ADGRE2: variants seen among roughly 807,000 people sequenced by gnomAD.
ADGRE2 encodes adhesion G protein-coupled receptor E2.
A neutral mutation model predicts 100.8 loss-of-function variants in ADGRE2; 83 were observed. The ratio of observed to expected loss-of-function variants is 0.82; its 90% confidence interval spans 0.69 to 0.99. The LOEUF (loss-of-function observed/expected upper bound fraction) is 0.99. Among genes scored for constraint, ADGRE2 ranks in the 50% least tolerant of loss-of-function variants. ADGRE2 has a pLI of 0.00. For synonymous variants in ADGRE2, 355 were observed against 413.0 expected (o/e 0.86, Z 1.70); for missense variants, 814 against 1,035.7 (o/e 0.79, Z 2.94).
At chr19:14,760,100 G>A (rs1179916770) in intron 11 of ADGRE2, among the ~76,000 whole-genome samples, 1 of 152,182 alleles carries the variant, frequency 6.6e-6, no homozygotes, top group African/African-American at 2.4e-5. Context: ...TTACAGGCGT[G>A]AGCCACCGTG....
chr19:14,774,880 G>T (rs189758545), intron 2 of ADGRE2, among the ~76,000 whole-genome samples: 1,692 of 150,716 alleles, frequency 0.011, 25 homozygotes, highest in African/African-American at 0.039. Context: ...CACCATATTG[G>T]CCAGGCTGGT....
At chr19:14,727,952 G>T (rs1249086159), downstream of ADGRE2, among the ~76,000 whole-genome samples, 3 of 152,196 alleles carry the variant, frequency 2.0e-5, no homozygotes, top group Non-Finnish European at 4.4e-5. Context: ...GCCAGGTGCG[G>T]TGGCTCACGC....
rs947260741 is a variant in ADGRE2, at chr19:14,733,546, T to C, written c.*2690A>G. 2 of 151,142 alleles carry C rather than the reference T, an allele frequency of 1.3e-5. No homozygotes were observed. Among genetic ancestry groups the C allele is most frequent in the African/African-American group, 2.4e-5 (1 of 41,042 alleles). 9.4% of individuals were successfully genotyped at this position (151,142 alleles called of 1,614,324 possible). ...GGGTATGCCTACAGCTGCAGAAAAA[T>C]GTATAAAAGCAAACACACCACTCTC... On this transcript the variant is annotated 3_prime_UTR_variant, in exon 21 of 21. Transcript: ENST00000315576.
chr19:14,770,669 C>CTTTTTTTTTTTTTTTTTTTT (rs775214778), intron 5 of ADGRE2, among the ~76,000 whole-genome samples: 4 of 85,008 alleles, frequency 4.7e-5, no homozygotes, highest in Non-Finnish European at 6.9e-5. Flanking sequence ...TCTTTCTTTT[C>CTTTTTTTTTTTTTTTTTTTT]TTTTTTTTTT....
chr19:14,757,599 T>C (rs999583947), intron 11 of ADGRE2, among the ~76,000 whole-genome samples: 6 of 152,014 alleles, frequency 3.9e-5, no homozygotes, highest in East Asian at 1.9e-4. Flanking sequence ...GACTATACAA[T>C]GGGGGAAAGA....
rs373607670 is a variant in ADGRE2 at position 14,742,641 on chromosome 19, A to C, written c.2463+779T>G. Among the ~76,000 whole-genome samples the C allele has an allele frequency of 1.0e-3, 156 of 152,336 alleles. 1 individual carries two copies. The highest frequency in any genetic ancestry group is 3.7e-3 in the African/African-American group (155 of 41,572). The stretch of plus-strand genomic sequence containing the variant: ...GTTGGTAGAGGCAGACTTGTTAAGA[A>C]AGCCTAAATCCCAGTTAACACTTAT... On this transcript the variant is annotated intron_variant, in intron 20 of 20. Coordinates refer to ENST00000315576, the MANE Select transcript of ADGRE2 (RefSeq NM_013447.4).
chr19:14,741,880 G>C lies in ADGRE2; in HGVS notation c.2463+1540C>G, dbSNP rs1231521748. 6 of 396,484 alleles carry C rather than the reference G, an allele frequency of 1.5e-5. No individual in the cohort carries two copies. The East Asian group carries it at 1.8e-4, about 12-fold the overall frequency. The allele number at this position is 396,484 out of a possible 1,614,324, so 24.6% of individuals were successfully genotyped here. A position where few individuals can be genotyped will look rare whatever the true frequency, so the allele number is the denominator to read the frequency against. On this transcript the variant is annotated intron_variant, in intron 20 of 20. Coordinates refer to ENST00000315576, the MANE Select transcript of ADGRE2 (RefSeq NM_013447.4). ...CACATATAATCTGGAGAAGATGGAA[G>C]AAGAGGTGAGAAAAATACAACAGAA...
chr19:14,731,244 C>T (rs1351259466), downstream of ADGRE2: 2 of 1,477,396 alleles, frequency 1.4e-6, no homozygotes, highest in African/African-American at 1.4e-5. Flanking sequence ...TAGAATCCAA[C>T]CTCTGGATAT....
rs569275930 is a variant in ADGRE2 at position 14,737,440 on chromosome 19, C to T, written c.2464-1196G>A. Among the ~76,000 whole-genome samples, 4 of 152,204 alleles carry T rather than the reference C, an allele frequency of 2.6e-5. No individual in the cohort carries two copies. The South Asian group carries it at 8.3e-4, about 32-fold the overall frequency. On this transcript the variant is annotated intron_variant, in intron 20 of 20. Coordinates refer to ENST00000315576, the MANE Select transcript of ADGRE2 (RefSeq NM_013447.4). ...AACTTCTGGGCTCAAGTGATCCTCC[C>T]ATCTCAACCTCCCAAAAATGCTGGA...
rs369600503 is a variant in ADGRE2 at position 14,748,103 on chromosome 19, G to A, written c.2025-1141C>T. On this transcript the variant is annotated intron_variant, in intron 16 of 20. Coordinates refer to ENST00000315576, the MANE Select transcript of ADGRE2 (RefSeq NM_013447.4). Reference sequence around the variant, plus strand: ...TGGTCATCAGCACAGTACTCTATAGGTCGTTTATTTATCCTCGCCCTCCTC... The same window carrying A: ...TGGTCATCAGCACAGTACTCTATAGATCGTTTATTTATCCTCGCCCTCCTC... Among the ~76,000 whole-genome samples, 198 of 152,106 alleles carry A rather than the reference G, an allele frequency of 1.3e-3. 1 individual carries two copies. The highest frequency in any genetic ancestry group is 2.3e-3 in the Non-Finnish European group (154 of 68,002).
downstream of ADGRE2, chr19:14,731,095 C>A (rs892543484): frequency 3.9e-6 from 5 of 1,282,342 alleles, no homozygotes; most frequent in East Asian, 1.0e-4. Context: ...CCTGCCCCCT[C>A]CCCCCAAGGA....
intron 18 of ADGRE2, among the ~76,000 whole-genome samples, chr19:14,745,945 G>A (rs2043072436): frequency 6.6e-6 from 1 of 152,112 alleles, no homozygotes; most frequent in African/African-American, 2.4e-5. Context: ...TTTTGTGATC[G>A]AATCGTATCC....
At chr19:14,773,315 TC>T (rs1165349411) in intron 4 of ADGRE2, among the ~76,000 whole-genome samples, 64 of 131,944 alleles carry the variant, frequency 4.9e-4, no homozygotes, top group African/African-American at 1.6e-3. Context: ...CTTTCCTCCC[TC>T]CCTCCCTCCC....
intron 4 of ADGRE2, among the ~76,000 whole-genome samples, chr19:14,772,946 G>T (rs1022726222): frequency 1.3e-5 from 2 of 151,614 alleles, no homozygotes; most frequent in Non-Finnish European, 2.9e-5. Flanking sequence ...GGGCATGGTG[G>T]TGCATGCCTG....
At chr19:14,773,670 C>T (rs891919666) in intron 4 of ADGRE2, among the ~76,000 whole-genome samples, 12 of 151,990 alleles carry the variant, frequency 7.9e-5, no homozygotes, top group East Asian at 1.9e-4. Context: ...TGCCACCATG[C>T]GCGGCTATTT....
At chr19:14,739,232 A>T (rs1007861021) in intron 20 of ADGRE2, among the ~76,000 whole-genome samples, 3 of 152,120 alleles carry the variant, frequency 2.0e-5, no homozygotes, top group African/African-American at 7.2e-5. Context: ...GGCCTCCCAA[A>T]GTGTTGGGAT....
chr19:14,754,477 A>ATCTGTCTG (rs1555784864), intron 14 of ADGRE2, among the ~76,000 whole-genome samples: 3 of 150,266 alleles, frequency 2.0e-5, no homozygotes, highest in East Asian at 2.0e-4. Flanking sequence ...CTATCTATCT[A>ATCTGTCTG]TCTATCTATC....
At chr19:14,752,575 G>T in intron 14 of ADGRE2, 49 bp from the exon 15 acceptor site, 3 of 1,591,316 alleles carry the variant, frequency 1.9e-6, no homozygotes, top group Middle Eastern at 3.3e-4. Flanking sequence ...CTGCTCTGGG[G>T]TAATGACCCC....
intron 2 of ADGRE2, chr19:14,776,509 GCTC>G: frequency 1.7e-6 from 1 of 598,884 alleles, no homozygotes; most frequent in South Asian, 2.0e-5. Context: ...AGGGTAGCAG[GCTC>G]CGAGAGCACC....
Sources: allele counts gnomAD v4.1 joint callset (sites outside exome capture counted in the v4.1 genomes callset), GRCh38; gene constraint gnomAD v4.1.1; transcripts MANE v1.5; gene names NCBI Gene and HGNC (gene_info 2026-07-23, HGNC 2026-07-21).